The following BCKDHB variants were observed in gnomAD, a reference collection of about 807,000 sequenced individuals.
The protein encoded by BCKDHB is 2-oxoisovalerate dehydrogenase subunit beta, mitochondrial.
BCKDHB carries 41 observed loss-of-function variants against 48.5 expected under a neutral mutation model. The ratio of observed to expected loss-of-function variants is 0.85; its 90% CI spans 0.66 to 1.10. The LOEUF (loss-of-function observed/expected upper bound fraction) is 1.10. BCKDHB is among the 50% of genes least tolerant of loss of function. The pLI is 0.00. For synonymous variants in BCKDHB, 201 were observed against 174.8 expected (o/e 1.15, Z -1.18); for missense variants, 496 against 494.2 (o/e 1.00, Z -0.03).
intron 9 of BCKDHB, among the ~76,000 whole-genome samples, chr6:80,288,010 A>G (rs529025510): frequency 6.6e-6 from 1 of 152,324 alleles, no homozygotes; most frequent in African/African-American, 2.4e-5. Context: ...AGAATCATTG[A>G]ATGACTTACA....
rs528240402 is a variant in BCKDHB, at chr6:80,273,731, A to G, written c.1038+510A>G. On this transcript the variant is annotated intron_variant, in intron 9 of 9. Transcript: ENST00000320393. ...TTATTTTAGTTATTCAAATTATGCT[A>G]TGGTATTGGAAATGCTTTAGAATTG... 9.2e-5 allele frequency among the ~76,000 whole-genome samples: 14 copies of G among 152,140 alleles called. No individual in the cohort carries two copies. In the East Asian group the frequency reaches 1.9e-3, roughly 21 times the overall value.
chr6:80,131,246 C>G (rs1365414775), intron 3 of BCKDHB, among the ~76,000 whole-genome samples: 2 of 152,218 alleles, frequency 1.3e-5, no homozygotes. Context: ...CACATCTTCA[C>G]CTCAGTGTTC....
Position 80,291,605 on chromosome 6 carries a change from A to C in BCKDHB, c.1038+18384A>C, listed in dbSNP as rs141558995. Among the ~76,000 whole-genome samples the C allele has an allele frequency of 1.1e-3, 170 of 152,290 alleles. 1 individual carries two copies. The highest frequency in any genetic ancestry group is 1.5e-3 in the Non-Finnish European group (100 of 68,020). On this transcript the variant is annotated intron_variant, in intron 9 of 9. Transcript: ENST00000320393. ...TATGGGGTTACTAGCTGATTCCACT[A>C]TGTGTCCAGAATTAGAATATTGATC...
the BCKDHB span, among the ~76,000 whole-genome samples, chr6:80,460,411 C>T: frequency 1.3e-5 from 2 of 152,100 alleles, no homozygotes; most frequent in Non-Finnish European, 2.9e-5. Flanking sequence ...CTCTATTTGA[C>T]CTTCACTTTA....
intron 9 of BCKDHB, among the ~76,000 whole-genome samples, chr6:80,298,867 G>C (rs1170810155): frequency 6.6e-6 from 1 of 152,166 alleles, no homozygotes; most frequent in Non-Finnish European, 1.5e-5. Flanking sequence ...GTCATGAAAG[G>C]ATCTTTTCTG....
chr6:80,350,490 T>TC (rs973450160), downstream of BCKDHB, among the ~76,000 whole-genome samples: 6 of 152,242 alleles, frequency 3.9e-5, no homozygotes, highest in East Asian at 5.8e-4. Context: ...CCATGTATGG[T>TC]TGTGTTTGCA....
intron 8 of BCKDHB, among the ~76,000 whole-genome samples, chr6:80,218,925 G>A (rs1335414877): frequency 6.6e-6 from 1 of 152,066 alleles, no homozygotes; most frequent in African/African-American, 2.4e-5. Context: ...ACTGTTGGGG[G>A]TAAGATTTTA....
the BCKDHB span, among the ~76,000 whole-genome samples, chr6:80,367,022 T>C: frequency 1.3e-5 from 2 of 152,200 alleles, no homozygotes; most frequent in African/African-American, 2.4e-5. Flanking sequence ...TACTCTCTCT[T>C]AAACACTTAT....
intron 6 of BCKDHB, among the ~76,000 whole-genome samples, chr6:80,181,063 A>T (rs752119821): frequency 2.6e-5 from 4 of 152,170 alleles, no homozygotes; most frequent in Non-Finnish European, 2.9e-5. Context: ...CAACTCTTTT[A>T]GTTGAAAGAG....
At chr6:80,272,855 A>G (rs1289390259) in intron 8 of BCKDHB, among the ~76,000 whole-genome samples, 1 of 152,014 alleles carries the variant, frequency 6.6e-6, no homozygotes, top group Non-Finnish European at 1.5e-5. Context: ...CGTATCTTAC[A>G]ATAATGGGTA....
At chr6:80,148,351 G>T (rs1425347836) in intron 3 of BCKDHB, among the ~76,000 whole-genome samples, 1 of 152,100 alleles carries the variant, frequency 6.6e-6, no homozygotes, top group African/African-American at 2.4e-5. Flanking sequence ...TCAGATCAGT[G>T]TAGAAACCTT....
the BCKDHB span, among the ~76,000 whole-genome samples, chr6:80,447,019 G>A: frequency 6.6e-6 from 1 of 152,144 alleles, no homozygotes; most frequent in Admixed American, 6.6e-5. Context: ...TAAAATGGCA[G>A]TGCTTGTCCA....
the BCKDHB span, among the ~76,000 whole-genome samples, chr6:80,363,194 C>T: frequency 4.0e-4 from 61 of 152,290 alleles, no homozygotes; most frequent in African/African-American, 1.4e-3. Context: ...AGTGAATACT[C>T]TTCAAATCTG....
At chr6:80,321,537 G>C (rs1473183221) in intron 9 of BCKDHB, among the ~76,000 whole-genome samples, 4 of 152,100 alleles carry the variant, frequency 2.6e-5, no homozygotes, top group Non-Finnish European at 1.5e-5. Flanking sequence ...AGGGCCCTAT[G>C]TTCAATTCTT....
chr6:80,361,765 C>A, the BCKDHB span, among the ~76,000 whole-genome samples: 1 of 152,168 alleles, frequency 6.6e-6, no homozygotes, highest in East Asian at 1.9e-4. Context: ...GGCTTGGAAG[C>A]CGCACATGAA....
the BCKDHB span, among the ~76,000 whole-genome samples, chr6:80,365,509 T>C: frequency 6.6e-6 from 1 of 152,164 alleles, no homozygotes; most frequent in South Asian, 2.1e-4. Context: ...GCGTGTCCGT[T>C]TATAGGCTCT....
intron 9 of BCKDHB, chr6:80,307,502 G>T (rs1216359620): frequency 1.0e-6 from 1 of 984,610 alleles, no homozygotes; most frequent in East Asian, 1.1e-4. Context: ...CCCCATGAAA[G>T]AACCTCTGTT....
chr6:80,378,541 G>A, the BCKDHB span, among the ~76,000 whole-genome samples: 2 of 152,084 alleles, frequency 1.3e-5, no homozygotes, highest in South Asian at 4.1e-4. Flanking sequence ...CCAACCCTTG[G>A]TAATCACTTA....
At chr6:80,119,861 T>G (rs1002300388) in intron 1 of BCKDHB, among the ~76,000 whole-genome samples, 19 of 150,494 alleles carry the variant, frequency 1.3e-4, no homozygotes, top group Non-Finnish European at 1.2e-4. Context: ...TAATCTTTTT[T>G]TTCCTATTTT....
Sources: allele counts gnomAD v4.1 joint callset (sites outside exome capture counted in the v4.1 genomes callset), GRCh38; gene constraint gnomAD v4.1.1; transcripts MANE v1.5; gene names NCBI Gene and HGNC (gene_info 2026-07-23, HGNC 2026-07-21).